TRIM47: variants seen among roughly 807,000 people sequenced by gnomAD.
TRIM47 encodes the protein tripartite motif containing 47.
Under a neutral mutation model 54.4 loss-of-function variants are expected in TRIM47, and 46 were observed. The observed-to-expected ratio is 0.84, with a 90% CI of 0.67 to 1.08. The LOEUF is 1.08. Among genes scored for constraint, TRIM47 ranks in the 50% least tolerant of loss-of-function variants. TRIM47 has a pLI of 0.00. For synonymous variants in TRIM47, 392 were observed against 410.2 expected, an observed-to-expected ratio of 0.96 and a Z score of 0.54; for missense variants, 825 against 910.1, an observed-to-expected ratio of 0.91 and a Z score of 1.20.
Position 75,876,339 on chromosome 17 carries a change from C to G in TRIM47, c.925G>C (p.Glu309Gln). 1 of 1,611,684 alleles carries G rather than the reference C, an allele frequency of 6.2e-7. No homozygotes were observed. Among genetic ancestry groups the G allele is most frequent in the Non-Finnish European group, 8.5e-7 (1 of 1,179,982 alleles). ...RSQGDLRRQE[E>Q]QRSRLSRARQ... ...GCTCGGCTCAGGCGGCTGCGCTGTT[C>G]CTCCTGTCGCCGCAGGTCACCCTGG... Residue 309 changes from glutamate (E) to glutamine (Q), a missense_variant, in exon 3 of 6, where the codon GAA (glutamate) becomes CAA (glutamine). By Grantham distance (29) the Glu-to-Gln change is conservative. Coordinates refer to ENST00000254816, the MANE Select transcript of TRIM47 (RefSeq NM_033452.3).
chr17:75,874,700 C>G lies in TRIM47; in HGVS notation c.1700G>C (p.Gly567Ala). 1 of 1,609,990 alleles carries G rather than the reference C, an allele frequency of 6.2e-7. No homozygotes were observed. Among genetic ancestry groups the G allele is most frequent in the South Asian group, 1.1e-5 (1 of 90,918 alleles). The change falls in exon 6 of 6, where the codon GGC (glycine) becomes GCC (alanine). Residue 567 changes from glycine to alanine, a missense_variant. Physicochemically the swap from Gly to Ala is moderately conservative, Grantham distance 60. Transcript: ENST00000254816. The surrounding 1 kb of genome is among the most constrained non-coding windows in gnomAD (Gnocchi z 6.2). ...RALAFYAVRD[G>A]KMSLLRRLKA... The stretch of plus-strand genomic sequence containing the variant: ...CAGCCTCCGCAGGAGGCTCATCTTG[C>G]CGTCCCGTACAGCATAGAAGGCCAA...
At chr17:75,877,518 T>C in intron 1 of TRIM47, 1 of 386,430 alleles carries the variant, frequency 2.6e-6, no homozygotes, top group Non-Finnish European at 4.0e-6. Context: ...CCAGGGCAAA[T>C]CTGAGCTGAG....
rs776626071 is a variant in TRIM47 at position 75,876,031 on chromosome 17, G to A, written c.1071C>T (p.Leu357=). The A allele has an allele frequency of 1.4e-5, 22 of 1,603,542 alleles. No individual in the cohort carries two copies. Among genetic ancestry groups the A allele is most frequent in the Non-Finnish European group, 1.9e-5 (22 of 1,179,968 alleles). Residue 357 remains leucine, a synonymous_variant, in exon 4 of 6, where the codon CTC becomes CTT. Transcript: ENST00000254816. Reference sequence around the variant, plus strand: ...CAGCTTGGGATGATTTGGTGAAGCTGAGCTCCCTCGGGGGTCCAGGCCCAG... The same window carrying A: ...CAGCTTGGGATGATTTGGTGAAGCTAAGCTCCCTCGGGGGTCCAGGCCCAG... ...CGPGPGPPRE[L]SFTKSSQAVR...
chr17:75,877,742 C>T (rs2065143866), intron 1 of TRIM47, 132 bp downstream of exon 1: 2 of 1,243,760 alleles, frequency 1.6e-6, no homozygotes, highest in African/African-American at 3.1e-5. Flanking sequence ...TGGAAGGGAC[C>T]GCAAAGATCC....
In TRIM47 at chr17:75,875,530, G is replaced by T; in HGVS notation, c.1202-56C>A. 1 of 1,488,302 alleles carries T rather than the reference G, an allele frequency of 6.7e-7. No individual in the cohort carries two copies. The allele number at this position is 1,488,302 out of a possible 1,614,324, so 92.2% of individuals were successfully genotyped here. On this transcript the variant is annotated intron_variant, in intron 4 of 5. Transcript: ENST00000254816. The surrounding 1 kb of genome is among the most constrained non-coding windows in gnomAD (Gnocchi z 6.1). ...CCCCAGACTGCCCCCCTCTGAACCTGTGACTACAATCCCTACCCCCTTCAC... is the reference window on the plus strand; with the variant it reads ...CCCCAGACTGCCCCCCTCTGAACCTTTGACTACAATCCCTACCCCCTTCAC...
chr17:75,875,404 G>A lies in TRIM47; in HGVS notation c.1272C>T (p.Leu424=). The A allele has an allele frequency of 6.2e-7, 1 of 1,614,038 alleles. No homozygotes were observed. Among genetic ancestry groups the A allele is most frequent in the Non-Finnish European group, 8.5e-7 (1 of 1,179,968 alleles). ...LESEAPRDYF[L]KFAYIVDLDS... is the part of the protein sequence containing the mutation. ...GGGGCACGGGCGTCCACTTACACTT[G>A]AGGAAATAGTCCCTGGGAGCTTCAC... Residue 424 remains leucine, a synonymous_variant, in exon 5 of 6, where the codon CTC becomes CTT. Transcript: ENST00000254816. The surrounding 1 kb of genome is among the most constrained non-coding windows in gnomAD (Gnocchi z 6.1).
chr17:75,877,170 G>A (rs1383000120), intron 1 of TRIM47: 5 of 309,568 alleles, frequency 1.6e-5, no homozygotes, highest in Non-Finnish European at 2.5e-5. Flanking sequence ...GGTGGGCGGC[G>A]GAGGGGTGAC....
At chr17:75,876,964 A>C in intron 1 of TRIM47, 151 bp from the exon 2 acceptor site, 1 of 710,740 alleles carries the variant, frequency 1.4e-6, no homozygotes, top group Non-Finnish European at 2.3e-6. Context: ...GTCCCATAAT[A>C]TGCCAGAGGT....
In TRIM47 at chr17:75,877,864, C is replaced by T. The variant is rs780172799; in HGVS notation, c.675+10G>A. ...GCCCCGGCTCACCCGAGTGTGCCCC[C>T]GGAGCCCACCTCCTGAAGCGCGCGC... On this transcript the variant is annotated intron_variant, in intron 1 of 5. Transcript: ENST00000254816. 174 of 1,321,862 alleles carry T rather than the reference C, an allele frequency of 1.3e-4. No homozygotes were observed. Among genetic ancestry groups the T allele is most frequent in the Non-Finnish European group, 2.9e-5 (30 of 1,036,522 alleles). 81.9% of individuals were successfully genotyped at this position (1,321,862 alleles called of 1,614,324 possible). A position where few individuals can be genotyped will look rare whatever the true frequency, so the allele number is the denominator to read the frequency against.
At position 75,875,254 on chromosome 17, in the gene TRIM47, C is replaced by T. The variant is rs552038553; in HGVS notation, c.1277-131G>A. The T allele has an allele frequency of 8.1e-5, 115 of 1,427,046 alleles. 1 individual carries two copies. In the East Asian group the frequency reaches 2.0e-3, roughly 25 times the overall value. 88.4% of individuals were successfully genotyped at this position (1,427,046 alleles called of 1,614,324 possible). ...TCCAACCGGCACAACCCAGCCCCGC[C>T]GGGGACCACCCCAGGAGCTGCCCTA... is the stretch of plus-strand genomic sequence containing the variant. On this transcript the variant is annotated intron_variant, in intron 5 of 5. Coordinates refer to ENST00000254816, the MANE Select transcript of TRIM47 (RefSeq NM_033452.3). This position sits in a 1 kb window ranked among gnomAD's most constrained non-coding sequence, Gnocchi z 6.1.
rs550269732 is a variant in TRIM47 at position 75,875,884 on chromosome 17, C to T, written c.1201+17G>A. The T allele has an allele frequency of 1.8e-4, 294 of 1,606,786 alleles. 5 individuals are homozygous for T. In the South Asian group the frequency reaches 2.9e-3, roughly 16 times the overall value. On this transcript the variant is annotated intron_variant, in intron 4 of 5. Coordinates refer to ENST00000254816, the MANE Select transcript of TRIM47 (RefSeq NM_033452.3). This position sits in a 1 kb window ranked among gnomAD's most constrained non-coding sequence, Gnocchi z 6.1. ...GGCAGAGGGTGAGTCATCGGGGGGGCGTGGGGCGGTGCCCACCTTCCGAGT... is the reference window on the plus strand; with the variant it reads ...GGCAGAGGGTGAGTCATCGGGGGGGTGTGGGGCGGTGCCCACCTTCCGAGT...
chr17:75,876,225 C>G (rs1189371188), intron 3 of TRIM47, 37 bp downstream of exon 3: 4 of 1,582,206 alleles, frequency 2.5e-6, no homozygotes, highest in South Asian at 2.2e-5. Flanking sequence ...CCTGTCCCAG[C>G]TTCTGTTCCT....
Position 75,876,369 on chromosome 17 carries a change from G to A in TRIM47, c.895C>T (p.Arg299Cys), listed in dbSNP as rs372056120. The A allele has an allele frequency of 2.1e-5, 34 of 1,612,036 alleles. No individual in the cohort carries two copies. The highest frequency in any genetic ancestry group is 2.7e-5 in the African/African-American group (2 of 74,926). The change falls in exon 3 of 6, where the codon CGC (arginine) becomes TGC (cysteine). Residue 299 changes from arginine (R) to cysteine (C), a missense_variant. Transcript: ENST00000254816. ...IEEGEAAMLG[R>C]SQGDLRRQEE... is the part of the protein sequence containing the mutation. ...TGTCGCCGCAGGTCACCCTGGGAGC[G>A]GCCTAGCATGGCAGCTTCCCCCTCC...
rs983047069 is a variant in TRIM47 at position 75,875,198 on chromosome 17, A to T, written c.1277-75T>A. The T allele has an allele frequency of 1.0e-6, 1 of 997,528 alleles. No homozygotes were observed. The highest frequency in any genetic ancestry group is 2.7e-5 in the African/African-American group (1 of 37,124). 61.8% of individuals were successfully genotyped at this position (997,528 alleles called of 1,614,324 possible). On this transcript the variant is annotated intron_variant, in intron 5 of 5. Transcript: ENST00000254816. This position sits in a 1 kb window ranked among gnomAD's most constrained non-coding sequence, Gnocchi z 6.1. ...GGGCACGGCCCCTCCCCAAGTACCC[A>T]CCCCCCCAAAACACAGCCTCTCCCC...
rs2065129895 is a variant in TRIM47 at position 75,875,872 on chromosome 17, T to A, written c.1201+29A>T. The A allele has an allele frequency of 6.2e-7, 1 of 1,601,906 alleles. No individual in the cohort carries two copies. The highest frequency in any genetic ancestry group is 8.5e-7 in the Non-Finnish European group (1 of 1,175,688). On this transcript the variant is annotated intron_variant, in intron 4 of 5. Coordinates refer to ENST00000254816, the MANE Select transcript of TRIM47 (RefSeq NM_033452.3). This position sits in a 1 kb window ranked among gnomAD's most constrained non-coding sequence, Gnocchi z 6.1. ...GTGCGAGAGGCTGGCAGAGGGTGAG[T>A]CATCGGGGGGGCGTGGGGCGGTGCC...
Position 75,875,876 on chromosome 17 carries a change from C to A in TRIM47, c.1201+25G>T. The A allele has an allele frequency of 6.2e-7, 1 of 1,603,528 alleles. No homozygotes were observed. Among genetic ancestry groups the A allele is most frequent in the Non-Finnish European group, 8.5e-7 (1 of 1,176,402 alleles). Reference sequence around the variant, plus strand: ...GAGAGGCTGGCAGAGGGTGAGTCATCGGGGGGGCGTGGGGCGGTGCCCACC... The same window carrying A: ...GAGAGGCTGGCAGAGGGTGAGTCATAGGGGGGGCGTGGGGCGGTGCCCACC... On this transcript the variant is annotated intron_variant, in intron 4 of 5. Coordinates refer to ENST00000254816, the MANE Select transcript of TRIM47 (RefSeq NM_033452.3). This position sits in a 1 kb window ranked among gnomAD's most constrained non-coding sequence, Gnocchi z 6.1.
Position 75,875,493 on chromosome 17 carries a change from T to C in TRIM47, c.1202-19A>G, listed in dbSNP as rs1048947869. The stretch of plus-strand genomic sequence containing the variant: ...GCATCAGCTGTAGAAGAGGAGACAG[T>C]GGTGAGAACGCCCCCAGACTGCCCC... On this transcript the variant is annotated intron_variant, in intron 4 of 5. Transcript: ENST00000254816. This position sits in a 1 kb window ranked among gnomAD's most constrained non-coding sequence, Gnocchi z 6.1. The C allele has an allele frequency of 6.2e-7, 1 of 1,611,248 alleles. No homozygotes were observed. Among genetic ancestry groups the C allele is most frequent in the Non-Finnish European group, 8.5e-7 (1 of 1,177,534 alleles).
Position 75,875,297 on chromosome 17 carries a change from G to A in TRIM47, c.1276+103C>T. The A allele has an allele frequency of 2.1e-6, 3 of 1,459,436 alleles. No individual in the cohort carries two copies. The highest frequency in any genetic ancestry group is 2.9e-6 in the Non-Finnish European group (3 of 1,049,066). The allele number at this position is 1,459,436 out of a possible 1,614,324, so 90.4% of individuals were successfully genotyped here. On this transcript the variant is annotated intron_variant, in intron 5 of 5. Coordinates refer to ENST00000254816, the MANE Select transcript of TRIM47 (RefSeq NM_033452.3). The surrounding 1 kb of genome is among the most constrained non-coding windows in gnomAD (Gnocchi z 6.1). ...CTGCCCTAGCTCTCCCCACAAACTG[G>A]GGAGAGGAATCCTAACCCTTGTGTG...
chr17:75,874,950 A>C lies in TRIM47; in HGVS notation c.1450T>G (p.Trp484Gly). Reference protein sequence around the residue: ...EGALDRGTYYWEVEIIEGWVS... With the variant: ...EGALDRGTYYGEVEIIEGWVS... ...CAGCCCTCGATAATCTCCACCTCCC[A>C]GTAGTAGGTGCCTCGGTCCAGGGCA... The change falls in exon 6 of 6, where the codon TGG (tryptophan) becomes GGG (glycine). Residue 484 changes from tryptophan to glycine, a missense_variant. Transcript: ENST00000254816. The surrounding 1 kb of genome is among the most constrained non-coding windows in gnomAD (Gnocchi z 6.2). 6.2e-7 allele frequency: 1 copy of C among 1,613,956 alleles called. No individual in the cohort carries two copies. The highest frequency in any genetic ancestry group is 8.5e-7 in the Non-Finnish European group (1 of 1,179,948).
Sources: gnomAD v4.1 joint callset for allele counts on GRCh38, gnomAD v4.1.1 for gene constraint, Gnocchi (gnomAD v3.1) non-coding constraint, MANE v1.5 for transcripts, NCBI Gene and HGNC (gene_info 2026-07-23, HGNC 2026-07-21) for gene names.